The following GMDS variants were observed in gnomAD, a reference collection of about 807,000 sequenced individuals.
GMDS encodes the protein GDP-mannose 4,6-dehydratase, also known as GDP-mannose 4,6 dehydratase.
Under a neutral mutation model 49.9 loss-of-function variants are expected in GMDS, and 20 were observed. That is an observed-to-expected ratio of 0.40 (90% CI 0.28 to 0.58). The LOEUF (loss-of-function observed/expected upper bound fraction) is 0.58, where lower values mean the gene tolerates loss of function less well. Ranked by LOEUF, GMDS falls within the 20% of genes least tolerant of loss-of-function variation. GMDS has a pLI of 0.42. For missense variants in GMDS, 362 were observed against 481.4 expected (o/e 0.75, Z 2.32); for synonymous variants, 177 against 178.6 (o/e 0.99, Z 0.07).
At chr6:2,019,344 T>C (rs1356855994) in intron 4 of GMDS, among the ~76,000 whole-genome samples, 2 of 152,006 alleles carry the variant, frequency 1.3e-5, no homozygotes, top group African/African-American at 4.8e-5. Context: ...CAATGTTGAA[T>C]GAAGCAGAGA....
chr6:1,725,433 A>G (rs1766546244), intron 9 of GMDS, among the ~76,000 whole-genome samples: 1 of 152,024 alleles, frequency 6.6e-6, no homozygotes, highest in Non-Finnish European at 1.5e-5. Flanking sequence ...GTCTAGTGTA[A>G]GATTTTTTTT....
At chr6:1,928,876 GGAGAATCGCTT>G (rs1236236667) in intron 7 of GMDS, among the ~76,000 whole-genome samples, 1 of 152,126 alleles carries the variant, frequency 6.6e-6, no homozygotes, top group Non-Finnish European at 1.5e-5. Context: ...GGCTGAGGCA[GGAGAATCGCTT>G]GAACCTGGGA....
At chr6:2,054,042 T>C (rs1025139488) in intron 4 of GMDS, among the ~76,000 whole-genome samples, 58 of 152,214 alleles carry the variant, frequency 3.8e-4, no homozygotes, top group African/African-American at 1.3e-3. Context: ...ATAAATTATA[T>C]TCATGAAAGA....
intron 4 of GMDS, among the ~76,000 whole-genome samples, chr6:2,021,179 A>G (rs1044314177): frequency 2.0e-5 from 3 of 152,226 alleles, no homozygotes; most frequent in African/African-American, 7.2e-5. Flanking sequence ...TTGATGAATC[A>G]TTTGCTTTTA....
intron 9 of GMDS, among the ~76,000 whole-genome samples, chr6:1,630,285 G>A (rs1236188596): frequency 2.6e-5 from 4 of 152,244 alleles, no homozygotes; most frequent in South Asian, 2.1e-4. Flanking sequence ...TGAGTGCGGC[G>A]GTCCTCTTTC....
At chr6:2,133,684 T>C (rs1775855217) in intron 1 of GMDS, among the ~76,000 whole-genome samples, 1 of 152,188 alleles carries the variant, frequency 6.6e-6, no homozygotes, top group African/African-American at 2.4e-5. Context: ...AGTTAAGAAC[T>C]GTGATTTTGT....
At chr6:2,038,468 T>A (rs915718303) in intron 4 of GMDS, among the ~76,000 whole-genome samples, 1 of 152,194 alleles carries the variant, frequency 6.6e-6, no homozygotes, top group African/African-American at 2.4e-5. Flanking sequence ...GGTCCCCACC[T>A]CCACTGGGCC....
chr6:1,901,788 T>C (rs1048042851), intron 7 of GMDS, among the ~76,000 whole-genome samples: 1 of 152,184 alleles, frequency 6.6e-6, no homozygotes, highest in African/African-American at 2.4e-5. Context: ...TGTTACTAAG[T>C]TAGACGCTGA....
In GMDS at chr6:1,833,057, A is replaced by C. The variant is rs949705039; in HGVS notation, c.772-90471T>G. Among the ~76,000 whole-genome samples the C allele has an allele frequency of 1.3e-5, 2 of 151,654 alleles. No homozygotes were observed. The highest frequency in any genetic ancestry group is 2.9e-5 in the Non-Finnish European group (2 of 67,986). On this transcript the variant is annotated intron_variant, in intron 7 of 10. Transcript: ENST00000380815. This position sits in a 1 kb window ranked among gnomAD's most constrained non-coding sequence, Gnocchi z 4.4. ...GGGGTTGGCCTCTGATCACTCACAC[A>C]AAGGACGGAAAATTGCTGGCGCCGC...
rs942428399 is a variant in GMDS at position 1,811,997 on chromosome 6, A to T, written c.772-69411T>A. On this transcript the variant is annotated intron_variant, in intron 7 of 10. Coordinates refer to ENST00000380815, the MANE Select transcript of GMDS (RefSeq NM_001500.4). Reference sequence around the variant, plus strand: ...ACACTGCTGGAAATATACAAATGATACCTTTCTACTGTCCGAGGAATCATA... The same window carrying T: ...ACACTGCTGGAAATATACAAATGATTCCTTTCTACTGTCCGAGGAATCATA... 4.1e-4 allele frequency among the ~76,000 whole-genome samples: 63 copies of T among 152,222 alleles called. 1 individual carries two copies. Among genetic ancestry groups the T allele is most frequent in the Non-Finnish European group, 5.9e-5 (4 of 68,042 alleles).
At chr6:1,972,261 TG>T (rs964828629) in intron 4 of GMDS, among the ~76,000 whole-genome samples, 2 of 125,896 alleles carry the variant, frequency 1.6e-5, no homozygotes, top group African/African-American at 6.0e-5. Flanking sequence ...CCTGGGTTTT[TG>T]TTTTTTTTTT....
At chr6:1,798,636 A>C (rs1383168155) in intron 7 of GMDS, among the ~76,000 whole-genome samples, 1 of 152,190 alleles carries the variant, frequency 6.6e-6, no homozygotes, top group Non-Finnish European at 1.5e-5. Context: ...CTCCAAGAGA[A>C]GGCAGAAGCC....
chr6:1,759,668 C>T (rs540310917), intron 7 of GMDS, among the ~76,000 whole-genome samples: 17 of 152,272 alleles, frequency 1.1e-4, no homozygotes, highest in East Asian at 7.7e-4. Context: ...GCCTGGCCTA[C>T]GTGCTTTAAA....
intron 9 of GMDS, among the ~76,000 whole-genome samples, chr6:1,715,612 T>C (rs1766146717): frequency 6.6e-6 from 1 of 152,234 alleles, no homozygotes; most frequent in African/African-American, 2.4e-5. Context: ...CATCAGTTTT[T>C]TCAACATGCC....
At chr6:2,216,343 CATTAT>C (rs2127586493) in intron 1 of GMDS, among the ~76,000 whole-genome samples, 1 of 152,302 alleles carries the variant, frequency 6.6e-6, no homozygotes, top group South Asian at 2.1e-4. Context: ...ATAATTCCTA[CATTAT>C]AAGTTATTTT....
chr6:1,890,869 T>C (rs569836006), intron 7 of GMDS, among the ~76,000 whole-genome samples: 2 of 152,334 alleles, frequency 1.3e-5, no homozygotes, highest in South Asian at 4.1e-4. Flanking sequence ...TACTATTTTT[T>C]ACCCCAGCCG....
At chr6:2,038,583 C>CAAA (rs60625263) in intron 4 of GMDS, among the ~76,000 whole-genome samples, 1 of 150,358 alleles carries the variant, frequency 6.7e-6, no homozygotes, top group Admixed American at 6.6e-5. Flanking sequence ...TAAAACACTG[C>CAAA]AAAAAAAAAC....
intron 4 of GMDS, among the ~76,000 whole-genome samples, chr6:2,068,343 T>G (rs1439570598): frequency 3.3e-5 from 5 of 150,586 alleles, no homozygotes; most frequent in Non-Finnish European, 6.0e-5. Flanking sequence ...GCATTCCCTT[T>G]GAAAACTGGC....
chr6:2,011,228 C>G (rs1355050870), intron 4 of GMDS, among the ~76,000 whole-genome samples: 1 of 152,022 alleles, frequency 6.6e-6, no homozygotes, highest in Non-Finnish European at 1.5e-5. Context: ...CAGGGAAATG[C>G]AAATTAAAAC....
Sources: allele counts gnomAD v4.1 joint callset (sites outside exome capture counted in the v4.1 genomes callset), GRCh38; gene constraint gnomAD v4.1.1; non-coding constraint Gnocchi (gnomAD v3.1); transcripts MANE v1.5; gene names NCBI Gene and HGNC (gene_info 2026-07-23, HGNC 2026-07-21).